LRP2: variants seen among roughly 807,000 people sequenced by gnomAD.
LRP2 encodes low-density lipoprotein receptor-related protein 2.
Under a neutral mutation model 531.0 loss-of-function variants are expected in LRP2, and 172 were observed. The ratio of observed to expected loss-of-function variants is 0.32; its 90% confidence interval spans 0.29 to 0.37. The LOEUF is 0.37. Ranked by LOEUF, LRP2 falls within the 10% of genes least tolerant of loss-of-function variation. LRP2 has a pLI of 1.00. For synonymous variants in LRP2, 1,992 were observed against 2,027.6 expected (o/e 0.98, Z 0.47); for missense variants, 5,167 against 5,868.3 (o/e 0.88, Z 3.90).
intron 77 of LRP2, among the ~76,000 whole-genome samples, chr2:169,132,223 T>C (rs1468759342): frequency 6.6e-6 from 1 of 152,198 alleles, no homozygotes; most frequent in Non-Finnish European, 1.5e-5. Flanking sequence ...GACGGATCTT[T>C]CATCTGTATC....
chr2:169,244,816 T>C lies in LRP2; in HGVS notation c.3307A>G (p.Thr1103Ala). 3 of 1,614,222 alleles carry C rather than the reference T, an allele frequency of 1.9e-6. No homozygotes were observed. The highest frequency in any genetic ancestry group is 2.5e-6 in the Non-Finnish European group (3 of 1,180,046). ...TCAAGGCAGGAAGCAGGTGCGTGGG[T>C]GGGGCAGTTGTGCTCATCACTGCCA... is the stretch of plus-strand genomic sequence containing the variant. ...VDGSDEHNCP[T>A]HAPASCLDTQ... Residue 1103 changes from threonine to alanine, a missense_variant, in exon 22 of 79, where the codon ACC becomes GCC. Physicochemically the swap from Thr to Ala is moderately conservative, Grantham distance 58 (BLOSUM62 0). Around this residue, in one of 6 missense-constraint regions of LRP2, gnomAD observed 2,811 missense variants for 3,058.0 expected, o/e 0.92. Coordinates refer to ENST00000649046, the MANE Select transcript of LRP2 (RefSeq NM_004525.3).
chr2:169,187,948 C>T (rs1687689666), intron 49 of LRP2, 22 bp downstream of exon 49: 4 of 1,613,544 alleles, frequency 2.5e-6, no homozygotes, highest in Non-Finnish European at 3.4e-6. Context: ...TTTCCTTTTC[C>T]CAAATCCTCT....
chr2:169,199,494 A>C (rs1227850573), intron 44 of LRP2, among the ~76,000 whole-genome samples: 1 of 152,214 alleles, frequency 6.6e-6, no homozygotes, highest in African/African-American at 2.4e-5. Context: ...AGCACAGAGG[A>C]AGCAGAAAGG....
rs764973021 is a variant in LRP2 at position 169,185,885 on chromosome 2, C to T, written c.9463G>A (p.Glu3155Lys). ...SDKRTCVDID[E>K]CTEMPFVCSQ... The stretch of plus-strand genomic sequence containing the variant: ...CAGACAAAAGGCATCTCTGTGCATT[C>T]ATCAATATCAACACAAGTCCGCTTG... The change falls in exon 50 of 79, where the codon GAA becomes AAA. Residue 3155 changes from glutamate (E) to lysine (K), a missense_variant. This residue lies in a region of LRP2 where 1,129 missense variants were observed against 1,362.7 expected (regional missense o/e 0.83). Transcript: ENST00000649046. The T allele has an allele frequency of 1.9e-6, 3 of 1,613,846 alleles. No individual in the cohort carries two copies. The highest frequency in any genetic ancestry group is 2.2e-5 in the South Asian group (2 of 91,060).
intron 1 of LRP2, among the ~76,000 whole-genome samples, chr2:169,338,889 A>G (rs1685492033): frequency 6.6e-6 from 1 of 152,190 alleles, no homozygotes; most frequent in African/African-American, 2.4e-5. Context: ...CTTACTAACT[A>G]TCTGACAGCC....
rs73971824 is a variant in LRP2 at position 169,238,308 on chromosome 2, C to A, written c.4295-6G>T. Reference sequence around the variant, plus strand: ...TAACAGCAGACTCTCAGATGCTGTTCAAGAAAAAAATGCAAAAATGTCAAT... The same window carrying A: ...TAACAGCAGACTCTCAGATGCTGTTAAAGAAAAAAATGCAAAAATGTCAAT... On this transcript the variant is annotated splice_region_variant and splice_polypyrimidine_tract_variant and intron_variant, in intron 26 of 78. Coordinates refer to ENST00000649046, the MANE Select transcript of LRP2 (RefSeq NM_004525.3). 6.8e-6 allele frequency: 11 copies of A among 1,609,902 alleles called. No individual in the cohort carries two copies. The African/African-American group carries it at 1.5e-4, about 22-fold the overall frequency.
chr2:169,271,139 A>C (rs374945538), intron 15 of LRP2, 32 bp from the exon 16 acceptor site: 34 of 1,507,880 alleles, frequency 2.3e-5, no homozygotes, highest in Middle Eastern at 1.7e-4. Context: ...ACAGTCAGTC[A>C]CAGCATGGTT....
intron 1 of LRP2, among the ~76,000 whole-genome samples, chr2:169,357,526 T>A (rs1200861799): frequency 6.6e-6 from 1 of 151,768 alleles, no homozygotes; most frequent in Admixed American, 6.6e-5. Flanking sequence ...GAAACAGGGT[T>A]TCACCATGTT....
intron 22 of LRP2, among the ~76,000 whole-genome samples, chr2:169,243,748 T>C (rs372045315): frequency 1.3e-5 from 2 of 152,192 alleles, no homozygotes; most frequent in Non-Finnish European, 2.9e-5. Context: ...TCAGAAACTG[T>C]GATTACACCT....
intron 3 of LRP2, among the ~76,000 whole-genome samples, chr2:169,311,621 T>C (rs1259367034): frequency 2.6e-5 from 4 of 152,220 alleles, no homozygotes; most frequent in Non-Finnish European, 5.9e-5. Context: ...TACTTCCAAC[T>C]ATGTGGTCAA....
In LRP2 at chr2:169,188,416, A is replaced by G. The variant is rs1057122191; in HGVS notation, c.9033-151T>C. ...CAGTGTCCTTGATCCCCTTTCCCCC[A>G]TCATCTTCGTCTACCCCACTAATCG... On this transcript the variant is annotated intron_variant, in intron 48 of 78. Transcript: ENST00000649046. 7.8e-6 allele frequency: 6 copies of G among 772,614 alleles called. No homozygotes were observed. The African/African-American group carries it at 1.0e-4, about 13-fold the overall frequency. The allele number at this position is 772,614 out of a possible 1,614,324, so 47.9% of individuals were successfully genotyped here. A position where few individuals can be genotyped will look rare whatever the true frequency, so the allele number is the denominator to read the frequency against.
intron 4 of LRP2, among the ~76,000 whole-genome samples, chr2:169,301,327 T>G (rs900904919): frequency 3.3e-5 from 5 of 151,966 alleles, no homozygotes; most frequent in African/African-American, 9.7e-5. Flanking sequence ...TCTTAGACCC[T>G]GCATGAGTGG....
chr2:169,191,344 C>T (rs1687822574), intron 48 of LRP2, among the ~76,000 whole-genome samples: 2 of 152,074 alleles, frequency 1.3e-5, no homozygotes, highest in Admixed American at 1.3e-4. Context: ...TGAAACAGTT[C>T]TTGTAATACC....
intron 71 of LRP2, among the ~76,000 whole-genome samples, chr2:169,141,510 G>A (rs1685717412): frequency 6.6e-6 from 1 of 152,160 alleles, no homozygotes; most frequent in South Asian, 2.1e-4. Context: ...AATCTCACTG[G>A]ACTAATTGCT....
Position 169,191,820 on chromosome 2 carries a change from T to C in LRP2, c.9032+12A>G, listed in dbSNP as rs1227352724. On this transcript the variant is annotated intron_variant, in intron 48 of 78. Transcript: ENST00000649046. The stretch of plus-strand genomic sequence containing the variant: ...TGAGGCATGCTGGGTAACTTCTGAA[T>C]CCTCAATTCACCTGAATATCTTTGG... 6.2e-7 allele frequency: 1 copy of C among 1,613,110 alleles called. No individual in the cohort carries two copies. The highest frequency in any genetic ancestry group is 8.5e-7 in the Non-Finnish European group (1 of 1,179,178).
intron 23 of LRP2, 62 bp from the exon 24 acceptor site, chr2:169,243,134 A>AT: frequency 7.3e-7 from 1 of 1,362,280 alleles, no homozygotes; most frequent in Admixed American, 1.7e-5. Flanking sequence ...AAACACTGAG[A>AT]TTTTTCTTTT....
In LRP2 at chr2:169,162,588, G is replaced by T; in HGVS notation, c.11771C>A (p.Thr3924Asn). The T allele has an allele frequency of 6.2e-7, 1 of 1,614,110 alleles. No homozygotes were observed. The highest frequency in any genetic ancestry group is 8.5e-7 in the Non-Finnish European group (1 of 1,179,992). Reference protein sequence around the residue: ...DETEEHCRKPTPKPCTEYEYK... With the variant: ...DETEEHCRKPNPKPCTEYEYK... ...TTCATATTCTGTACAAGGTTTAGGGGTCGGTTTTCTACCTGCAATGTAAAA... is the reference window on the plus strand; with the variant it reads ...TTCATATTCTGTACAAGGTTTAGGGTTCGGTTTTCTACCTGCAATGTAAAA... The change falls in exon 63 of 79, where the codon ACC (threonine) becomes AAC (asparagine). Residue 3924 changes from threonine to asparagine, a missense_variant. Physicochemically the swap from Thr to Asn is moderately conservative, Grantham distance 65 (BLOSUM62 0). Transcript: ENST00000649046.
At chr2:169,233,301 G>T in intron 30 of LRP2, 110 bp downstream of exon 30, 1 of 1,248,608 alleles carries the variant, frequency 8.0e-7, no homozygotes, top group East Asian at 2.3e-5. Context: ...AAAGAGAAAA[G>T]GAAAATGTAT....
intron 70 of LRP2, among the ~76,000 whole-genome samples, chr2:169,143,248 C>A (rs183120998): frequency 9.8e-5 from 15 of 152,316 alleles, no homozygotes; most frequent in African/African-American, 3.1e-4. Context: ...TCCACCCCAA[C>A]CCTCCAAGGA....
Sources: gnomAD v4.1 joint callset for allele counts (sites outside exome capture counted in the v4.1 genomes callset) on GRCh38, gnomAD v4.1.1 for gene constraint, gnomAD v4.1.1 regional missense constraint, MANE v1.5 for transcripts, NCBI Gene and HGNC (gene_info 2026-07-23, HGNC 2026-07-21) for gene names.